Variants in CALN1 observed in about 807,000 individuals in gnomAD.
The protein encoded by CALN1 is calcium-binding protein 8.
Under a neutral mutation model 30.6 loss-of-function variants are expected in CALN1, and 17 were observed. That is an observed-to-expected ratio of 0.56 (90% CI 0.38 to 0.83). CALN1 has a LOEUF of 0.83. Among genes scored for constraint, CALN1 ranks in the 40% least tolerant of loss-of-function variants. CALN1 has a pLI of 0.00. For synonymous variants in CALN1, 156 were observed against 131.4 expected, an observed-to-expected ratio of 1.19 and a Z score of -1.28; for missense variants, 291 against 354.9, an observed-to-expected ratio of 0.82 and a Z score of 1.45.
At chr7:72,087,489 A>T (rs1194741407) in intron 4 of CALN1, among the ~76,000 whole-genome samples, 2 of 152,318 alleles carry the variant, frequency 1.3e-5, no homozygotes, top group African/African-American at 4.8e-5. Context: ...TCTAAAACAG[A>T]TCCACCAAAG....
At chr7:72,155,496 A>AG (rs1435162841) in intron 3 of CALN1, among the ~76,000 whole-genome samples, 1 of 151,812 alleles carries the variant, frequency 6.6e-6, no homozygotes, top group African/African-American at 2.4e-5. Flanking sequence ...TGTCTCAAAA[A>AG]AAAAAAAAAG....
intron 2 of CALN1, among the ~76,000 whole-genome samples, chr7:72,331,164 A>T (rs748605151): frequency 1.3e-5 from 2 of 152,124 alleles, no homozygotes; most frequent in African/African-American, 4.8e-5. Context: ...AGCCTGGCCA[A>T]TATGGTGAAA....
intron 3 of CALN1, among the ~76,000 whole-genome samples, chr7:72,187,941 G>C (rs950766423): frequency 2.5e-5 from 2 of 80,228 alleles, no homozygotes; most frequent in African/African-American, 9.6e-5. Flanking sequence ...ACTCCCACAA[G>C]AATGGCCATT....
At chr7:72,143,142 TG>T (rs1563094141) in intron 3 of CALN1, among the ~76,000 whole-genome samples, 1 of 152,012 alleles carries the variant, frequency 6.6e-6, no homozygotes, top group African/African-American at 2.4e-5. Context: ...TTTGACGAGT[TG>T]AGAGAAGAAG....
chr7:72,455,684 C>T, the CALN1 span, among the ~76,000 whole-genome samples: 9 of 152,192 alleles, frequency 5.9e-5, no homozygotes, highest in South Asian at 2.1e-4. Flanking sequence ...ACATTGGAAC[C>T]TGGAAGATCA....
chr7:72,385,302 A>C (rs1805147788), intron 2 of CALN1, among the ~76,000 whole-genome samples: 1 of 152,062 alleles, frequency 6.6e-6, no homozygotes, highest in Non-Finnish European at 1.5e-5. Context: ...TCAGGTATTT[A>C]CTCAACTCAT....
At chr7:72,373,298 C>G (rs1006906182) in intron 2 of CALN1, among the ~76,000 whole-genome samples, 1 of 151,954 alleles carries the variant, frequency 6.6e-6, no homozygotes, top group Admixed American at 6.6e-5. Flanking sequence ...AATTACAGTC[C>G]CAAAGGACAG....
chr7:71,799,186 A>G (rs1787152549), intron 6 of CALN1, among the ~76,000 whole-genome samples: 1 of 152,180 alleles, frequency 6.6e-6, no homozygotes, highest in African/African-American at 2.4e-5. Flanking sequence ...TTTTGTACTG[A>G]ATATTGTCAT....
intron 4 of CALN1, among the ~76,000 whole-genome samples, chr7:72,062,617 T>G (rs2129537125): frequency 6.6e-6 from 1 of 152,228 alleles, no homozygotes; most frequent in South Asian, 2.1e-4. Flanking sequence ...AAGATTATTC[T>G]TACCCTGTTT....
intron 4 of CALN1, among the ~76,000 whole-genome samples, chr7:72,054,532 C>CAT (rs201370455): frequency 0.11 from 9,476 of 88,270 alleles, 675 homozygotes; most frequent in African/African-American, 0.17. Flanking sequence ...TATATACATA[C>CAT]ATATATATAT....
chr7:71,845,641 G>C (rs951383681), intron 5 of CALN1, among the ~76,000 whole-genome samples: 4 of 152,170 alleles, frequency 2.6e-5, no homozygotes, highest in African/African-American at 9.7e-5. Flanking sequence ...TGGGGAACTT[G>C]TTAGAAATAG....
At chr7:72,428,954 G>A (rs925119335) in intron 1 of CALN1, among the ~76,000 whole-genome samples, 25 of 152,136 alleles carry the variant, frequency 1.6e-4, no homozygotes, top group Non-Finnish European at 3.5e-4. Flanking sequence ...CATACACACA[G>A]GGCAGACCTC....
At chr7:72,494,225 T>G in the CALN1 span, among the ~76,000 whole-genome samples, 1 of 152,098 alleles carries the variant, frequency 6.6e-6, no homozygotes, top group Non-Finnish European at 1.5e-5. Flanking sequence ...GGAACAACTC[T>G]CTTTCACCTG....
rs1454308863 is a variant in CALN1, at chr7:72,368,171, GTA to G, written c.119+35078_119+35079del. On this transcript the variant is annotated intron_variant, in intron 2 of 6. Coordinates refer to ENST00000395275, the MANE Select transcript of CALN1 (RefSeq NM_031468.4). ...TCTATGTGTGTGTATATATATATGT[GTA>G]TATATGTGTATCTGTATATATATAT... Among the ~76,000 whole-genome samples the G allele has an allele frequency of 2.0e-5, 3 of 150,920 alleles. No individual in the cohort carries two copies. The South Asian group carries it at 6.3e-4, about 32-fold the overall frequency.
rs1797839188 is a variant in CALN1, at chr7:71,971,953, A to AAAAAG, written c.501+51703_501+51704insCTTTT. On this transcript the variant is annotated intron_variant, in intron 5 of 6. Transcript: ENST00000395275. ...CTCAAAAAAAAAAAAAAAAAAAAAA[A>AAAAAG]AAAGAAAGAAAGAAAGAAAGAAAGA... Among the ~76,000 whole-genome samples, 336 of 72,756 alleles carry AAAAAG rather than the reference A, an allele frequency of 4.6e-3. 6 individuals carry two copies. Among genetic ancestry groups the AAAAAG allele is most frequent in the African/African-American group, 0.01 (145 of 14,164 alleles). The allele number at this position is 72,756 out of a possible 152,430, so 47.7% of individuals were successfully genotyped here.
rs931310507 is a variant in CALN1 at position 71,787,123 on chromosome 7, A to G, written c.*652T>C. The G allele has an allele frequency of 1.3e-5, 2 of 152,672 alleles. No homozygotes were observed. The highest frequency in any genetic ancestry group is 4.8e-5 in the African/African-American group (2 of 41,434). 9.5% of individuals were successfully genotyped at this position (152,672 alleles called of 1,614,324 possible). ...AAGCCAAGTGCCGACGGAAACTGAG[A>G]GCACCCCAGCTCTACCAATGGCAGT... is the stretch of plus-strand genomic sequence containing the variant. On this transcript the variant is annotated 3_prime_UTR_variant, in exon 7 of 7. Coordinates refer to ENST00000395275, the MANE Select transcript of CALN1 (RefSeq NM_031468.4).
At chr7:72,078,375 T>C (rs1454843176) in intron 4 of CALN1, among the ~76,000 whole-genome samples, 1 of 152,078 alleles carries the variant, frequency 6.6e-6, no homozygotes, top group Non-Finnish European at 1.5e-5. Flanking sequence ...CAGTGGGTTT[T>C]TGGTCCTCTT....
intron 3 of CALN1, among the ~76,000 whole-genome samples, chr7:72,160,403 C>T (rs868555783): frequency 6.6e-5 from 10 of 151,916 alleles, no homozygotes; most frequent in African/African-American, 9.7e-5. Flanking sequence ...CTCAGCCACC[C>T]GAGTAGCTGG....
At chr7:72,299,364 A>G (rs916564874) in intron 2 of CALN1, among the ~76,000 whole-genome samples, 5 of 152,218 alleles carry the variant, frequency 3.3e-5, no homozygotes, top group East Asian at 1.9e-4. Flanking sequence ...CATGAACACA[A>G]TAAGAGACTA....
Sources: allele counts gnomAD v4.1 joint callset (sites outside exome capture counted in the v4.1 genomes callset), GRCh38; gene constraint gnomAD v4.1.1; transcripts MANE v1.5; gene names NCBI Gene and HGNC (gene_info 2026-07-23, HGNC 2026-07-21).